AGXT2: variants seen among roughly 807,000 people sequenced by gnomAD.
The protein encoded by AGXT2 is alanine--glyoxylate aminotransferase 2, mitochondrial.
AGXT2 carries 61 observed loss-of-function variants against 62.5 expected under a neutral mutation model. That is an observed-to-expected ratio of 0.98 (90% CI 0.79 to 1.21). AGXT2 has a LOEUF of 1.21. AGXT2 is among the 50% of genes most tolerant of loss of function. The pLI is 0.00. For missense variants in AGXT2, 666 were observed against 641.5 expected, an observed-to-expected ratio of 1.04 and a Z score of -0.41; for synonymous variants, 243 against 218.7, an observed-to-expected ratio of 1.11 and a Z score of -0.98.
chr5:35,039,133 G>T (rs957823558), intron 3 of AGXT2, among the ~76,000 whole-genome samples, 191 bp downstream of exon 3: 9 of 152,112 alleles, frequency 5.9e-5, no homozygotes, highest in South Asian at 2.1e-4. Context: ...ACAAAATCTT[G>T]CATTGTCAAG....
intron 4 of AGXT2, 99 bp from the exon 5 acceptor site, chr5:35,035,415 A>G (rs1180579416): frequency 6.2e-6 from 6 of 969,162 alleles, no homozygotes; most frequent in Non-Finnish European, 1.6e-6. Context: ...CTGAGTATTA[A>G]GGAGAGTTCC....
intron 1 of AGXT2, among the ~76,000 whole-genome samples, chr5:35,047,429 G>A (rs1264835773): frequency 1.3e-5 from 2 of 152,056 alleles, no homozygotes; most frequent in African/African-American, 4.8e-5. Context: ...GGTGACAGAG[G>A]GAGACCCTGT....
rs201803834 is a variant in AGXT2, at chr5:35,035,238, C to T, written c.565G>A (p.Asp189Asn). The T allele has an allele frequency of 7.6e-5, 123 of 1,613,974 alleles. No homozygotes were observed. The highest frequency in any genetic ancestry group is 9.3e-5 in the African/African-American group (7 of 74,920). The change falls in exon 5 of 14, where the codon GAC becomes AAC. Residue 189 changes from aspartate (D) to asparagine (N), a missense_variant. Coordinates refer to ENST00000231420, the MANE Select transcript of AGXT2 (RefSeq NM_031900.4). ...LMARAHSNNI[D>N]IISFRGAYHG... ...TGTGATTACCTGAAAGAAATGATGT[C>T]TATGTTGTTTGAGTGCGCCCTGGCC... is the stretch of plus-strand genomic sequence containing the variant.
intron 1 of AGXT2, among the ~76,000 whole-genome samples, chr5:35,044,716 G>A (rs1258607842): frequency 6.6e-6 from 1 of 152,052 alleles, no homozygotes. Flanking sequence ...AGGGGCAGTT[G>A]TGGCTGTCCA....
Position 35,013,548 on chromosome 5 carries a change from G to A in AGXT2, c.1096+439C>T, listed in dbSNP as rs556643322. 3.3e-5 allele frequency among the ~76,000 whole-genome samples: 5 copies of A among 152,194 alleles called. No individual in the cohort carries two copies. In the South Asian group the frequency reaches 1.0e-3, roughly 32 times the overall value. On this transcript the variant is annotated intron_variant, in intron 10 of 13. Transcript: ENST00000231420. ...CGCCTGTAATCCCATCACTTTGGGA[G>A]GCCAAGGTCAAACACCTGAGGTCAG...
intron 1 of AGXT2, among the ~76,000 whole-genome samples, chr5:35,041,473 C>T (rs988694912): frequency 1.7e-4 from 26 of 152,240 alleles, no homozygotes; most frequent in Non-Finnish European, 2.8e-4. Context: ...GTCTGTTTTG[C>T]TCATTCCTCA....
intron 13 of AGXT2, among the ~76,000 whole-genome samples, chr5:35,002,222 AG>A (rs1561209391): frequency 3.7e-5 from 1 of 26,830 alleles, no homozygotes; most frequent in Non-Finnish European, 1.7e-4. Flanking sequence ...AAAAAATCAC[AG>A]AGCACATCCC....
chr5:35,022,316 A>C (rs1767135402), intron 9 of AGXT2, among the ~76,000 whole-genome samples: 2 of 152,132 alleles, frequency 1.3e-5, no homozygotes, highest in African/African-American at 4.8e-5. Context: ...AAGACTTGGA[A>C]CCAACCCAAA....
intron 13 of AGXT2, among the ~76,000 whole-genome samples, chr5:35,001,516 CTG>C (rs1366300090): frequency 6.6e-6 from 1 of 152,210 alleles, no homozygotes; most frequent in Non-Finnish European, 1.5e-5. Context: ...CTTAACCTCT[CTG>C]TGTGTCTTTT....
chr5:35,045,616 G>C (rs1210369613), intron 1 of AGXT2, among the ~76,000 whole-genome samples: 1 of 152,144 alleles, frequency 6.6e-6, no homozygotes, highest in African/African-American at 2.4e-5. Context: ...GTTAGTGAGT[G>C]TGTGTTTGGA....
At chr5:35,029,749 T>C (rs574279316) in intron 7 of AGXT2, among the ~76,000 whole-genome samples, 1 of 152,298 alleles carries the variant, frequency 6.6e-6, no homozygotes, top group Admixed American at 6.5e-5. Context: ...TGGAACATTG[T>C]GGGGGCAGTA....
intron 11 of AGXT2, among the ~76,000 whole-genome samples, chr5:35,012,064 A>T (rs1224854330): frequency 6.6e-6 from 1 of 152,072 alleles, no homozygotes; most frequent in Non-Finnish European, 1.5e-5. Context: ...CACAATAGAC[A>T]TTGGAGACCC....
At chr5:35,031,340 A>G (rs1292870409) in intron 7 of AGXT2, among the ~76,000 whole-genome samples, 1 of 152,126 alleles carries the variant, frequency 6.6e-6, no homozygotes, top group Non-Finnish European at 1.5e-5. Flanking sequence ...TTCTTTCACT[A>G]CTTACTCTTT....
At chr5:35,005,504 T>C (rs1157343432) in intron 12 of AGXT2, among the ~76,000 whole-genome samples, 1 of 152,106 alleles carries the variant, frequency 6.6e-6, no homozygotes, top group Non-Finnish European at 1.5e-5. Context: ...GGATTACAGG[T>C]GTGAGCCACC....
intron 9 of AGXT2, among the ~76,000 whole-genome samples, chr5:35,021,700 A>C (rs1767098118): frequency 6.6e-6 from 1 of 152,228 alleles, no homozygotes; most frequent in Non-Finnish European, 1.5e-5. Context: ...AAGCAATGGC[A>C]ACAAAAGCCA....
chr5:35,031,981 C>G (rs1767577838), intron 7 of AGXT2, among the ~76,000 whole-genome samples: 2 of 113,970 alleles, frequency 1.8e-5, no homozygotes, highest in South Asian at 6.2e-4. Flanking sequence ...GAGATGGAGT[C>G]TTGTTCTGTT....
At chr5:35,029,052 A>G (rs1483960713) in intron 7 of AGXT2, among the ~76,000 whole-genome samples, 1 of 152,230 alleles carries the variant, frequency 6.6e-6, no homozygotes, top group East Asian at 1.9e-4. Context: ...TGACAGAGGT[A>G]CCTGATATCT....
intron 1 of AGXT2, among the ~76,000 whole-genome samples, chr5:35,046,639 G>A (rs13184057): frequency 6.6e-6 from 1 of 152,014 alleles, no homozygotes; most frequent in South Asian, 2.1e-4. Flanking sequence ...TGCATTTAAA[G>A]CATCATGCAT....
chr5:35,011,543 C>T (rs1343434648), intron 11 of AGXT2, among the ~76,000 whole-genome samples: 1 of 150,608 alleles, frequency 6.6e-6, no homozygotes, highest in East Asian at 1.9e-4. Flanking sequence ...CATCTCATGA[C>T]TTAATTGTAG....
Sources: allele counts gnomAD v4.1 joint callset (sites outside exome capture counted in the v4.1 genomes callset), GRCh38; gene constraint gnomAD v4.1.1; transcripts MANE v1.5; gene names NCBI Gene and HGNC (gene_info 2026-07-23, HGNC 2026-07-21).